CYP4V2: variants seen among roughly 807,000 people sequenced by gnomAD.
CYP4V2 encodes cytochrome P450 family 4 subfamily V member 2, also known as cytochrome P450 4V2.
In CYP4V2, 55 loss-of-function variants were observed where a neutral mutation model predicts 60.8. The ratio of observed to expected loss-of-function variants is 0.90; its 90% confidence interval spans 0.73 to 1.13. CYP4V2 has a LOEUF of 1.13. CYP4V2 is among the 50% of genes most tolerant of loss of function. The pLI, the probability that CYP4V2 is intolerant of heterozygous loss-of-function variation, is 0.00. For missense variants in CYP4V2, 675 were observed against 662.9 expected, an observed-to-expected ratio of 1.02 and a Z score of -0.20; for synonymous variants, 239 against 236.8, an observed-to-expected ratio of 1.01 and a Z score of -0.08.
chr4:186,192,285 G>T (rs745821630), intron 1 of CYP4V2: 6 of 696,748 alleles, frequency 8.6e-6, no homozygotes, highest in Non-Finnish European at 1.6e-5. Context: ...CCCTGCCCTC[G>T]GTCTTTTCCC....
chr4:186,210,878 G>T lies in CYP4V2; in HGVS notation c.*237G>T, dbSNP rs1736698439. 3 of 449,986 alleles carry T rather than the reference G, an allele frequency of 6.7e-6. No individual in the cohort carries two copies. Among genetic ancestry groups the T allele is most frequent in the Non-Finnish European group, 1.2e-5 (3 of 250,740 alleles). 27.9% of individuals were successfully genotyped at this position (449,986 alleles called of 1,614,324 possible). ...AAACCGTGTCTCACTCTGTCGCCCAGGCTGGAGGAGTGCAGTGGTGTGATC... is the reference window on the plus strand; with the variant it reads ...AAACCGTGTCTCACTCTGTCGCCCATGCTGGAGGAGTGCAGTGGTGTGATC... On this transcript the variant is annotated 3_prime_UTR_variant, in exon 11 of 11. Transcript: ENST00000378802.
intron 6 of CYP4V2, among the ~76,000 whole-genome samples, chr4:186,199,348 T>G (rs1339381481): frequency 6.6e-6 from 1 of 152,222 alleles, no homozygotes; most frequent in East Asian, 1.9e-4. Flanking sequence ...AAATTATACT[T>G]AAGTATAAAA....
In CYP4V2 at chr4:186,210,497, G is replaced by A. The variant is rs2126603520; in HGVS notation, c.1434G>A (p.Lys478=). The change falls in exon 11 of 11, where the codon AAG becomes AAA. Residue 478 remains lysine, a synonymous_variant. Transcript: ENST00000378802. ...IGQKFAVMEE[K]TILSCILRHF... ...AAAAGTTTGCTGTGATGGAAGAAAA[G>A]ACCATTCTTTCGTGCATCCTGAGGC... 1.9e-6 allele frequency: 3 copies of A among 1,614,150 alleles called. No individual in the cohort carries two copies. Among genetic ancestry groups the A allele is most frequent in the Non-Finnish European group, 2.5e-6 (3 of 1,180,022 alleles).
At chr4:186,207,370 C>G (rs1301374534) in intron 8 of CYP4V2, among the ~76,000 whole-genome samples, 10 of 143,808 alleles carry the variant, frequency 7.0e-5, no homozygotes, top group Non-Finnish European at 1.5e-4. Context: ...AGAGATTGCA[C>G]CACTGCATTC....
At chr4:186,206,215 G>A (rs1736497485) in intron 8 of CYP4V2, among the ~76,000 whole-genome samples, 1 of 151,922 alleles carries the variant, frequency 6.6e-6, no homozygotes, top group Admixed American at 6.6e-5. Context: ...CATGTGTGGT[G>A]TGTGTGTGTG....
Position 186,209,101 on chromosome 4 carries a change from A to G in CYP4V2, c.1234A>G (p.Arg412Gly). 2 of 1,614,168 alleles carry G rather than the reference A, an allele frequency of 1.2e-6. No individual in the cohort carries two copies. The highest frequency in any genetic ancestry group is 1.7e-6 in the Non-Finnish European group (2 of 1,180,032). ...VSEDCEVAGY[R>G]VLKGTEAVII... is the part of the protein sequence containing the mutation. ...TGACTACTTCTTGACAGCAGGTTAC[A>G]GAGTTCTAAAAGGCACTGAAGCCGT... Residue 412 changes from arginine (R) to glycine (G), a missense_variant, in exon 10 of 11, where the codon AGA (arginine) becomes GGA (glycine). Physicochemically the swap from Arg to Gly is moderately radical, Grantham distance 125. Transcript: ENST00000378802.
chr4:186,209,383 A>G, intron 10 of CYP4V2, 111 bp downstream of exon 10: 1 of 1,347,786 alleles, frequency 7.4e-7, no homozygotes, highest in Non-Finnish European at 1.0e-6. Context: ...ACAGCCTTAA[A>G]AAAAAAATAG....
At chr4:186,210,056 C>G (rs148905113) in intron 10 of CYP4V2, among the ~76,000 whole-genome samples, 2 of 152,144 alleles carry the variant, frequency 1.3e-5, no homozygotes, top group Non-Finnish European at 2.9e-5. Context: ...ATTATAAACC[C>G]TTTTGGTTTT....
chr4:186,201,217 G>A lies in CYP4V2; in HGVS notation c.862G>A (p.Gly288Ser), dbSNP rs370303148. 9 of 1,614,010 alleles carry A rather than the reference G, an allele frequency of 5.6e-6. No individual in the cohort carries two copies. In the African/African-American group the frequency reaches 1.1e-4, roughly 19 times the overall value. Residue 288 changes from glycine (G) to serine (S), a missense_variant, in exon 7 of 11, where the codon GGC becomes AGC. Physicochemically the swap from Gly to Ser is moderately conservative, Grantham distance 56. Transcript: ENST00000378802. Reference protein sequence around the residue: ...ANEDCRGDGRGSAPSKNKRRA... With the variant: ...ANEDCRGDGRSSAPSKNKRRA... Reference sequence around the variant, plus strand: ...TGAAGACTGTAGAGGTGATGGCAGGGGCTCTGCCCCCTCCAAAAATAAACG... The same window carrying A: ...TGAAGACTGTAGAGGTGATGGCAGGAGCTCTGCCCCCTCCAAAAATAAACG...
At position 186,191,720 on chromosome 4, in the gene CYP4V2, G is replaced by C. The variant is rs1445189857; in HGVS notation, c.-104G>C. Reference sequence around the variant, plus strand: ...GACCCCGCAGCGGGGAGCGCGCCAGGTCCGCGCGGGGAAGTGGGCGGTGTG... The same window carrying C: ...GACCCCGCAGCGGGGAGCGCGCCAGCTCCGCGCGGGGAAGTGGGCGGTGTG... On this transcript the variant is annotated 5_prime_UTR_variant, in exon 1 of 11. Transcript: ENST00000378802. 8.9e-7 allele frequency: 1 copy of C among 1,128,928 alleles called. No individual in the cohort carries two copies. Among genetic ancestry groups the C allele is most frequent in the African/African-American group, 1.6e-5 (1 of 61,102 alleles). The allele number at this position is 1,128,928 out of a possible 1,614,324, so 69.9% of individuals were successfully genotyped here.
intron 10 of CYP4V2, 56 bp from the exon 11 acceptor site, chr4:186,210,413 T>A (rs1736672680): frequency 6.2e-7 from 1 of 1,611,236 alleles, no homozygotes; most frequent in Non-Finnish European, 8.5e-7. Context: ...ACCTCTTGTT[T>A]CTCACATTTG....
At chr4:186,192,142 G>A (rs1424295794) in intron 1 of CYP4V2, 105 bp downstream of exon 1, 4 of 1,404,356 alleles carry the variant, frequency 2.8e-6, no homozygotes, top group Non-Finnish European at 3.9e-6. Flanking sequence ...GCAGGAGAGA[G>A]GAGCCTGTCA....
In CYP4V2 at chr4:186,195,498, C is replaced by T. The variant is rs145978466; in HGVS notation, c.328-505C>T. ...CACTTCACGTGGACTCTGGGTGATCCGATCACGTTCATGGCTTCCATTGCT... is the reference window on the plus strand; with the variant it reads ...CACTTCACGTGGACTCTGGGTGATCTGATCACGTTCATGGCTTCCATTGCT... On this transcript the variant is annotated intron_variant, in intron 2 of 10. Transcript: ENST00000378802. This position sits in a 1 kb window ranked among gnomAD's most constrained non-coding sequence, Gnocchi z 4.1. 4.5e-4 allele frequency among the ~76,000 whole-genome samples: 68 copies of T among 152,250 alleles called. No homozygotes were observed. In the East Asian group the frequency reaches 9.6e-3, roughly 22 times the overall value.
chr4:186,191,782 C>A lies in CYP4V2; in HGVS notation c.-42C>A. 6.9e-7 allele frequency: 1 copy of A among 1,458,480 alleles called. No homozygotes were observed. The highest frequency in any genetic ancestry group is 1.4e-5 in the South Asian group (1 of 72,198). The allele number at this position is 1,458,480 out of a possible 1,614,324, so 90.3% of individuals were successfully genotyped here. A position where few individuals can be genotyped will look rare whatever the true frequency, so the allele number is the denominator to read the frequency against. On this transcript the variant is annotated 5_prime_UTR_variant, in exon 1 of 11. Transcript: ENST00000378802. ...GCCTCGCACCACGCCCCCGCGGGCC[C>A]GCACTTTCCCGGAGTGCACCCCGCG...
chr4:186,208,567 A>G (rs111868317), intron 8 of CYP4V2, among the ~76,000 whole-genome samples: 4 of 134,446 alleles, frequency 3.0e-5, no homozygotes, highest in Middle Eastern at 6.0e-3. Context: ...CTTGATCCAC[A>G]TGTTCTTCTT....
intron 6 of CYP4V2, among the ~76,000 whole-genome samples, chr4:186,200,629 T>C (rs1037904877): frequency 1.3e-5 from 2 of 152,152 alleles, no homozygotes; most frequent in African/African-American, 4.8e-5. Flanking sequence ...GAGGTCTCTC[T>C]GATCGTGTGA....
chr4:186,201,590 T>C, intron 7 of CYP4V2: 1 of 334,120 alleles, frequency 3.0e-6, no homozygotes, highest in Non-Finnish European at 5.5e-6. Context: ...AAACCTAAGA[T>C]TTGTCAGAGT....
intron 5 of CYP4V2, 150 bp from the exon 6 acceptor site, chr4:186,198,807 T>TGCTAAGTGAA: frequency 1.7e-6 from 2 of 1,180,408 alleles, no homozygotes; most frequent in Admixed American, 1.9e-5. Context: ...ATGCCTTCAC[T>TGCTAAGTGAA]GCTAAGCATA....
intron 7 of CYP4V2, chr4:186,204,874 C>T (rs929827603): frequency 5.1e-6 from 2 of 394,706 alleles, no homozygotes; most frequent in African/African-American, 2.1e-5. Context: ...CAAGCAGGCT[C>T]GTGAAAATCA....
Sources: gnomAD v4.1 joint callset for allele counts (sites outside exome capture counted in the v4.1 genomes callset) on GRCh38, gnomAD v4.1.1 for gene constraint, Gnocchi (gnomAD v3.1) non-coding constraint, MANE v1.5 for transcripts, NCBI Gene and HGNC (gene_info 2026-07-23, HGNC 2026-07-21) for gene names.